FCRL3: variants seen among roughly 807,000 people sequenced by gnomAD.
FCRL3 encodes Fc receptor like 3.
In FCRL3, 89 loss-of-function variants were observed where a neutral mutation model predicts 75.0. The observed-to-expected ratio is 1.19, with a 90% CI of 1.00 to 1.42. The LOEUF (loss-of-function observed/expected upper bound fraction) is 1.42, where lower values mean the gene tolerates loss of function less well. FCRL3 is among the 40% of genes most tolerant of loss of function. FCRL3 has a pLI of 0.00. For missense variants in FCRL3, 946 were observed against 880.0 expected (o/e 1.07, Z -0.95); for synonymous variants, 376 against 348.5 (o/e 1.08, Z -0.88).
chr1:157,697,850 T>G lies in FCRL3; in HGVS notation c.368A>C (p.Lys123Thr), dbSNP rs1333414568. The change falls in exon 5 of 15, where the codon AAA becomes ACA. Residue 123 changes from lysine to threonine, a missense_variant. Physicochemically the swap from Lys to Thr is moderately conservative, Grantham distance 78 (BLOSUM62 -1). Transcript: ENST00000368184. ...GDNVILRCQG[K>T]DNKNTHQKVY... is the part of the protein sequence containing the mutation. ...CTTTTGATGAGTGTTTTTGTTGTCT[T>G]TCCCCTGACATCTCAGAATGACATT... 3 of 1,614,026 alleles carry G rather than the reference T, an allele frequency of 1.9e-6. No individual in the cohort carries two copies. In the Admixed American group the frequency reaches 5.0e-5, roughly 27 times the overall value.
chr1:157,689,847 A>G lies in FCRL3; in HGVS notation c.1761T>C (p.Leu587=). Residue 587 remains leucine, a synonymous_variant, in exon 10 of 15, where the codon CTT becomes CTC. Coordinates refer to ENST00000368184, the MANE Select transcript of FCRL3 (RefSeq NM_052939.4). ...AATGCAGCAGAGCAGCAGCAGCAGCAAGGACGAGGATGCTGAGCACCAGCC... is the reference window on the plus strand; with the variant it reads ...AATGCAGCAGAGCAGCAGCAGCAGCGAGGACGAGGATGCTGAGCACCAGCC... ...ITGLVLSILV[L]AAAAALLHYA... 1 of 1,614,198 alleles carries G rather than the reference A, an allele frequency of 6.2e-7. No homozygotes were observed. Among genetic ancestry groups the G allele is most frequent in the East Asian group, 2.2e-5 (1 of 44,880 alleles).
At chr1:157,684,151 C>T (rs987454763) in intron 10 of FCRL3, among the ~76,000 whole-genome samples, 8 of 152,162 alleles carry the variant, frequency 5.3e-5, no homozygotes, top group Non-Finnish European at 8.8e-5. Context: ...AGAAGTCTAT[C>T]CTTGAAGCCA....
chr1:157,677,585 G>A lies in FCRL3; in HGVS notation c.*1125C>T, dbSNP rs1557817646. ...TTAAAAATTCAACACACTGTGGAAA[G>A]AGTTTTTGATGGTGATAGCTAGGAA... On this transcript the variant is annotated 3_prime_UTR_variant, in exon 15 of 15. Coordinates refer to ENST00000368184, the MANE Select transcript of FCRL3 (RefSeq NM_052939.4). 3 of 985,388 alleles carry A rather than the reference G, an allele frequency of 3.0e-6. No individual in the cohort carries two copies. The highest frequency in any genetic ancestry group is 1.1e-4 in the East Asian group (1 of 8,822). The allele number at this position is 985,388 out of a possible 1,614,324, so 61.0% of individuals were successfully genotyped here.
chr1:157,693,274 CAAAA>C (rs375572340), intron 8 of FCRL3, among the ~76,000 whole-genome samples: 1 of 54,796 alleles, frequency 1.8e-5, no homozygotes, highest in African/African-American at 7.1e-5. Context: ...GACTCCATCT[CAAAA>C]AAAAAAAAAA....
rs1654585856 is a variant in FCRL3, at chr1:157,678,249, G to A, written c.*461C>T. ...TCTTTTGGCTGTTCCCAATATGGTA[G>A]CAAGGATACAGCATATACACCAAAA... On this transcript the variant is annotated 3_prime_UTR_variant, in exon 15 of 15. Transcript: ENST00000368184. 3 of 989,428 alleles carry A rather than the reference G, an allele frequency of 3.0e-6. No individual in the cohort carries two copies. The highest frequency in any genetic ancestry group is 3.6e-6 in the Non-Finnish European group (3 of 832,564). 61.3% of individuals were successfully genotyped at this position (989,428 alleles called of 1,614,324 possible).
At position 157,696,001 on chromosome 1, in the gene FCRL3, C is replaced by T. The variant is rs750531331; in HGVS notation, c.1132+39G>A. 8.3e-6 allele frequency: 13 copies of T among 1,559,716 alleles called. No homozygotes were observed. In the South Asian group the frequency reaches 1.5e-4, roughly 18 times the overall value. ...GGCTGACAGAGAACCTAAACCCTGG[C>T]TTGCAACTCGAGGCTGTGTGAAAGG... On this transcript the variant is annotated intron_variant, in intron 7 of 14. Transcript: ENST00000368184.
chr1:157,681,391 C>A, intron 11 of FCRL3, among the ~76,000 whole-genome samples: 1 of 96,388 alleles, frequency 1.0e-5, no homozygotes, highest in African/African-American at 4.2e-5. Context: ...ATCCCTCTCC[C>A]CTCCCCCCAC....
intron 13 of FCRL3, among the ~76,000 whole-genome samples, chr1:157,679,857 A>AAAAAAAAAAAAAAAAAG (rs1654725265): frequency 6.7e-6 from 1 of 150,064 alleles, no homozygotes; most frequent in Non-Finnish European, 1.5e-5. Context: ...AAAAAAAAAA[A>AAAAAAAAAAAAAAAAAG]AAATGACAGA....
chr1:157,680,360 TAA>T (rs1351771707), intron 13 of FCRL3, among the ~76,000 whole-genome samples: 2 of 152,158 alleles, frequency 1.3e-5, no homozygotes, highest in Non-Finnish European at 2.9e-5. Context: ...GTAGTAGAAA[TAA>T]AGAGACCAGT....
Position 157,689,933 on chromosome 1 carries a change from TGTACTTGAGTTTCA to T in FCRL3, c.1691-30_1691-17del, listed in dbSNP as rs1355161821. ...CTGGAAGTTCCTGAGTGGAGGGAGCTGTACTTGAGTTTCAGTGGCACAGGTTTTGGATACAGACA... is the reference window on the plus strand; with the variant it reads ...CTGGAAGTTCCTGAGTGGAGGGAGCTGTGGCACAGGTTTTGGATACAGACA... On this transcript the variant is annotated splice_polypyrimidine_tract_variant and intron_variant, in intron 9 of 14. Transcript: ENST00000368184. 1 of 1,612,898 alleles carries T rather than the reference TGTACTTGAGTTTCA, an allele frequency of 6.2e-7. No homozygotes were observed. The highest frequency in any genetic ancestry group is 1.7e-5 in the Admixed American group (1 of 59,982).
rs1654546832 is a variant in FCRL3 at position 157,677,698 on chromosome 1, T to A, written c.*1012A>T. 4.0e-6 allele frequency: 3 copies of A among 749,204 alleles called. No individual in the cohort carries two copies. The highest frequency in any genetic ancestry group is 4.9e-6 in the Non-Finnish European group (3 of 614,974). 46.4% of individuals were successfully genotyped at this position (749,204 alleles called of 1,614,324 possible). A position where few individuals can be genotyped will look rare whatever the true frequency, so the allele number is the denominator to read the frequency against. On this transcript the variant is annotated 3_prime_UTR_variant, in exon 15 of 15. Transcript: ENST00000368184. ...AGCAACACGCAACAATATGGATGAA[T>A]CTTAGAAATACAACATGAAGAGAAA...
At chr1:157,695,819 C>A (rs1655853174) in intron 7 of FCRL3, 1 of 707,814 alleles carries the variant, frequency 1.4e-6, no homozygotes, top group African/African-American at 1.8e-5. Flanking sequence ...ACTCAGTCTT[C>A]CCCGCAAGAA....
chr1:157,697,375 C>A lies in FCRL3; in HGVS notation c.609G>T (p.Glu203Asp), dbSNP rs1315490654. Residue 203 changes from glutamate (E) to aspartate (D), a missense_variant, in exon 6 of 15, where the codon GAG (glutamate) becomes GAT (aspartate). Transcript: ENST00000368184. ...VLRASSSTPI[E>D]GSPMTLTCET... ...CACAGGTCAGGGTCATGGGACTCCC[C>A]TCTATGGGCGTGGAAGAGCTGGCTC... 6.3e-7 allele frequency: 1 copy of A among 1,576,872 alleles called. No homozygotes were observed. The highest frequency in any genetic ancestry group is 2.2e-5 in the East Asian group (1 of 44,644).
Position 157,677,616 on chromosome 1 carries a change from TA to T in FCRL3, c.*1093del. ...TTGATGGTGATAGCTAGGAAAACAT[TA>T]AGCCAGATATTTTACACAAGTAAAT... On this transcript the variant is annotated 3_prime_UTR_variant, in exon 15 of 15. Transcript: ENST00000368184. The T allele has an allele frequency of 2.0e-6, 2 of 984,942 alleles. No homozygotes were observed. Among genetic ancestry groups the T allele is most frequent in the Non-Finnish European group, 2.4e-6 (2 of 829,572 alleles). 61.0% of individuals were successfully genotyped at this position (984,942 alleles called of 1,614,324 possible).
intron 4 of FCRL3, 200 bp from the exon 5 acceptor site, chr1:157,698,119 C>T: frequency 1.4e-6 from 1 of 729,896 alleles, no homozygotes; most frequent in Non-Finnish European, 2.2e-6. Context: ...CTTGAGAAAT[C>T]TTCACATGTC....
At chr1:157,698,118 T>C (rs1215616507) in intron 4 of FCRL3, 199 bp from the exon 5 acceptor site, 8 of 727,606 alleles carry the variant, frequency 1.1e-5, no homozygotes, top group African/African-American at 5.4e-5. Flanking sequence ...TCTTGAGAAA[T>C]CTTCACATGT....
intron 10 of FCRL3, among the ~76,000 whole-genome samples, chr1:157,688,084 C>G (rs1025283707): frequency 6.6e-6 from 1 of 151,856 alleles, no homozygotes; most frequent in Admixed American, 6.5e-5. Flanking sequence ...AGACATGAAA[C>G]CTAATCATAT....
intron 8 of FCRL3, among the ~76,000 whole-genome samples, chr1:157,690,874 C>T (rs953443025): frequency 7.9e-5 from 12 of 152,124 alleles, no homozygotes; most frequent in African/African-American, 2.7e-4. Context: ...TCTAAAATTC[C>T]TACACCTGAA....
intron 13 of FCRL3, among the ~76,000 whole-genome samples, chr1:157,679,729 T>A (rs1249204523): frequency 7.0e-6 from 1 of 142,392 alleles, no homozygotes; most frequent in East Asian, 2.1e-4. Flanking sequence ...CTTAGGAAGC[T>A]AAGGCAGGAG....
Sources: gnomAD v4.1 joint callset for allele counts (sites outside exome capture counted in the v4.1 genomes callset) on GRCh38, gnomAD v4.1.1 for gene constraint, MANE v1.5 for transcripts, NCBI Gene and HGNC (gene_info 2026-07-23, HGNC 2026-07-21) for gene names.